The following AP1B1 variants were observed in gnomAD, a reference collection of about 807,000 sequenced individuals.
The protein encoded by AP1B1 is AP-1 complex subunit beta-1.
Under a neutral mutation model 104.3 loss-of-function variants are expected in AP1B1, and 36 were observed. The observed-to-expected ratio is 0.35, with a 90% CI of 0.26 to 0.46. The LOEUF is 0.46. Ranked by LOEUF, AP1B1 falls within the 20% of genes least tolerant of loss-of-function variation. AP1B1 has a pLI of 1.00. For missense variants in AP1B1, 901 were observed against 1,247.9 expected (o/e 0.72, Z 4.19); for synonymous variants, 504 against 517.5 (o/e 0.97, Z 0.35).
intron 1 of AP1B1, among the ~76,000 whole-genome samples, chr22:29,377,801 ACT>A (rs1602812074): frequency 6.8e-6 from 1 of 147,844 alleles, no homozygotes; most frequent in East Asian, 2.0e-4. Flanking sequence ...ACAGTGCGAG[ACT>A]CTGTCTCAAA....
intron 7 of AP1B1, among the ~76,000 whole-genome samples, chr22:29,352,656 C>T (rs1300112075): frequency 1.3e-5 from 2 of 152,200 alleles, no homozygotes; most frequent in African/African-American, 4.8e-5. Context: ...TGGCTGGGCA[C>T]AGCAGCTCAT....
Position 29,363,160 on chromosome 22 carries a change from T to C in AP1B1, c.38-54A>G. ...CCCTCCCTACCCTGGCAGGGGACAA[T>C]TCCCAGTATCTAACTTCCAAAAGAA... On this transcript the variant is annotated intron_variant, in intron 2 of 22. Transcript: ENST00000357586. The C allele has an allele frequency of 3.7e-6, 3 of 815,452 alleles. No homozygotes were observed. The South Asian group carries it at 4.3e-5, about 12-fold the overall frequency. 50.5% of individuals were successfully genotyped at this position (815,452 alleles called of 1,614,324 possible). A position where few individuals can be genotyped will look rare whatever the true frequency, so the allele number is the denominator to read the frequency against.
At chr22:29,344,006 A>G (rs1416147986) in intron 11 of AP1B1, among the ~76,000 whole-genome samples, 1 of 151,448 alleles carries the variant, frequency 6.6e-6, no homozygotes, top group Non-Finnish European at 1.5e-5. Flanking sequence ...AGCTACTCGG[A>G]GGCTGAGGCA....
intron 3 of AP1B1, among the ~76,000 whole-genome samples, chr22:29,362,641 G>A (rs1217257022): frequency 2.0e-5 from 3 of 152,124 alleles, no homozygotes; most frequent in Non-Finnish European, 4.4e-5. Flanking sequence ...CACCGCGCCT[G>A]GCCCAGATTT....
intron 1 of AP1B1, among the ~76,000 whole-genome samples, chr22:29,386,171 C>T (rs1295826895): frequency 1.3e-5 from 2 of 152,108 alleles, no homozygotes; most frequent in South Asian, 4.1e-4. Context: ...TCACACAAAC[C>T]AGGGGTAGAG....
intron 17 of AP1B1, among the ~76,000 whole-genome samples, chr22:29,333,872 T>G (rs972644652): frequency 6.6e-6 from 1 of 151,606 alleles, no homozygotes. Flanking sequence ...GAGACCAGCC[T>G]GGGCAAGATG....
intron 16 of AP1B1, 108 bp from the exon 17 acceptor site, chr22:29,334,518 C>T: frequency 2.4e-6 from 3 of 1,232,580 alleles, no homozygotes; most frequent in Non-Finnish European, 3.3e-6. Context: ...CAGGGGCCTC[C>T]CAGATCCAGC....
At chr22:29,374,792 T>C (rs1169032166) in intron 1 of AP1B1, among the ~76,000 whole-genome samples, 3 of 152,204 alleles carry the variant, frequency 2.0e-5, no homozygotes, top group Non-Finnish European at 2.9e-5. Flanking sequence ...GAAAACTACG[T>C]AGATACAAAA....
chr22:29,366,059 T>C (rs2062130912), intron 2 of AP1B1, among the ~76,000 whole-genome samples: 2 of 152,126 alleles, frequency 1.3e-5, no homozygotes, highest in Admixed American at 6.5e-5. Flanking sequence ...AGCAACAGAC[T>C]CTTTTCATCT....
intron 1 of AP1B1, among the ~76,000 whole-genome samples, chr22:29,388,125 G>A (rs1395770007): frequency 3.3e-5 from 5 of 152,232 alleles, no homozygotes; most frequent in Non-Finnish European, 5.9e-5. Flanking sequence ...ATCAGAGCCC[G>A]AAGAGTTTTC....
chr22:29,344,195 A>C (rs1324468326), intron 11 of AP1B1, among the ~76,000 whole-genome samples: 1 of 151,984 alleles, frequency 6.6e-6, no homozygotes, highest in Non-Finnish European at 1.5e-5. Context: ...TATCACCACT[A>C]CCATCACACA....
intron 4 of AP1B1, 37 bp downstream of exon 4, chr22:29,359,787 C>A (rs747846951): frequency 6.3e-7 from 1 of 1,589,764 alleles, no homozygotes; most frequent in African/African-American, 1.3e-5. Context: ...GAGCCTTAAG[C>A]ACCCAATGTC....
In AP1B1 at chr22:29,363,647, CAA is replaced by C. The variant is rs879795643; in HGVS notation, c.38-543_38-542del. On this transcript the variant is annotated intron_variant, in intron 2 of 22. Coordinates refer to ENST00000357586, the MANE Select transcript of AP1B1 (RefSeq NM_001127.4). ...TGGCGACAGGGCCAAGACTCCATCT[CAA>C]AAAAAAAAAAAGAGGCTGAGGATTA... 2.0e-4 allele frequency among the ~76,000 whole-genome samples: 27 copies of C among 131,734 alleles called. No individual in the cohort carries two copies. In the South Asian group the frequency reaches 3.8e-3, roughly 19 times the overall value. 86.4% of individuals were successfully genotyped at this position (131,734 alleles called of 152,430 possible).
rs757818926 is a variant in AP1B1 at position 29,350,019 on chromosome 22, G to A, written c.1271+16C>T. ...GCAGAGCTAGATGCCCTCTCCCTAG[G>A]AGGGCGGGCACGCACTTGTTGGGGT... On this transcript the variant is annotated intron_variant, in intron 10 of 22. Coordinates refer to ENST00000357586, the MANE Select transcript of AP1B1 (RefSeq NM_001127.4). 4 of 1,606,862 alleles carry A rather than the reference G, an allele frequency of 2.5e-6. No homozygotes were observed. The highest frequency in any genetic ancestry group is 1.7e-5 in the Admixed American group (1 of 59,998).
At chr22:29,331,094 G>A (rs1335554566) in intron 19 of AP1B1, among the ~76,000 whole-genome samples, 1 of 152,232 alleles carries the variant, frequency 6.6e-6, no homozygotes, top group African/African-American at 2.4e-5. Context: ...TGTGTGCTGT[G>A]ATCAACACCC....
At chr22:29,374,687 G>T (rs536789883) in intron 1 of AP1B1, among the ~76,000 whole-genome samples, 1 of 152,182 alleles carries the variant, frequency 6.6e-6, no homozygotes, top group Admixed American at 6.6e-5. Context: ...AGTCTGAAAC[G>T]CTACAACCTC....
intron 2 of AP1B1, among the ~76,000 whole-genome samples, chr22:29,366,999 T>C (rs549874656): frequency 1.3e-5 from 2 of 152,272 alleles, no homozygotes; most frequent in African/African-American, 4.8e-5. Context: ...GGAGCTAATG[T>C]TCTTCCCTTT....
At chr22:29,330,572 G>C (rs374272793) in intron 20 of AP1B1, 40 bp from the exon 21 acceptor site, 2 of 1,612,354 alleles carry the variant, frequency 1.2e-6, no homozygotes, top group East Asian at 4.5e-5. Context: ...CAGTCAGCGC[G>C]GGGGCCTGGG....
intron 1 of AP1B1, among the ~76,000 whole-genome samples, chr22:29,379,400 A>C (rs1379845267): frequency 6.6e-6 from 1 of 152,210 alleles, no homozygotes; most frequent in African/African-American, 2.4e-5. Context: ...ACTTAAATTA[A>C]TCGAGATGAG....
Sources: allele counts gnomAD v4.1 joint callset (sites outside exome capture counted in the v4.1 genomes callset), GRCh38; gene constraint gnomAD v4.1.1; transcripts MANE v1.5; gene names NCBI Gene and HGNC (gene_info 2026-07-23, HGNC 2026-07-21).